Variants in CCSAP observed in about 807,000 individuals in gnomAD.
CCSAP encodes centriole, cilia and spindle-associated protein.
A neutral mutation model predicts 25.9 loss-of-function variants in CCSAP; 17 were observed. The ratio of observed to expected loss-of-function variants is 0.66; its 90% CI spans 0.45 to 0.99. The LOEUF is 0.99. Among genes scored for constraint, CCSAP ranks in the 50% least tolerant of loss-of-function variants. The pLI is 0.00. For synonymous variants in CCSAP, 169 were observed against 157.1 expected (o/e 1.08, Z -0.57); for missense variants, 339 against 367.8 (o/e 0.92, Z 0.64).
At chr1:229,326,066 G>C (rs1384444286) in intron 3 of CCSAP, among the ~76,000 whole-genome samples, 3 of 152,174 alleles carry the variant, frequency 2.0e-5, no homozygotes, top group African/African-American at 7.2e-5. Flanking sequence ...CTTTGCTTTA[G>C]GCTATCATAA....
At chr1:229,327,320 C>G in intron 2 of CCSAP, 1 of 359,830 alleles carries the variant, frequency 2.8e-6, no homozygotes, top group East Asian at 7.4e-5. Context: ...TAAGGGCTTT[C>G]TCCGCAATCC....
chr1:229,323,812 T>C lies in CCSAP; in HGVS notation c.*1423A>G, dbSNP rs1657879337. Reference sequence around the variant, plus strand: ...AGCAATATGTTCTAAAAATTGACTATGGTTTTCCAAAGACCCAGAGAAAAA... The same window carrying C: ...AGCAATATGTTCTAAAAATTGACTACGGTTTTCCAAAGACCCAGAGAAAAA... On this transcript the variant is annotated 3_prime_UTR_variant, in exon 4 of 4. Coordinates refer to ENST00000284617, the MANE Select transcript of CCSAP (RefSeq NM_145257.5). The C allele has an allele frequency of 6.6e-6, 1 of 152,248 alleles. No homozygotes were observed. 9.4% of individuals were successfully genotyped at this position (152,248 alleles called of 1,614,324 possible).
chr1:229,332,587 G>C (rs1027946390), intron 2 of CCSAP, among the ~76,000 whole-genome samples: 1 of 152,174 alleles, frequency 6.6e-6, no homozygotes, highest in African/African-American at 2.4e-5. Flanking sequence ...AGTTATGGTG[G>C]AAGATTACAA....
chr1:229,327,775 A>AG (rs1200156052), intron 2 of CCSAP, among the ~76,000 whole-genome samples: 1 of 150,666 alleles, frequency 6.6e-6, no homozygotes, highest in Admixed American at 6.6e-5. Context: ...AGACTGAGGC[A>AG]GGGGAATCGC....
chr1:229,338,570 C>T (rs1221100055), intron 2 of CCSAP, among the ~76,000 whole-genome samples: 1 of 150,736 alleles, frequency 6.6e-6, no homozygotes, highest in East Asian at 1.9e-4. Flanking sequence ...CACACACACA[C>T]ACACAGAATT....
At chr1:229,329,158 G>C (rs1381064370) in intron 2 of CCSAP, among the ~76,000 whole-genome samples, 1 of 152,226 alleles carries the variant, frequency 6.6e-6, no homozygotes, top group Non-Finnish European at 1.5e-5. Flanking sequence ...GTGATACTGA[G>C]AGAGAGAAAA....
Position 229,342,443 on chromosome 1 carries a change from T to C in CCSAP, c.23A>G (p.Lys8Arg). 7.2e-7 allele frequency: 1 copy of C among 1,388,954 alleles called. No homozygotes were observed. Among genetic ancestry groups the C allele is most frequent in the Non-Finnish European group, 9.4e-7 (1 of 1,065,228 alleles). The allele number at this position is 1,388,954 out of a possible 1,614,324, so 86.0% of individuals were successfully genotyped here. The change falls in exon 2 of 4, where the codon AAG (lysine) becomes AGG (arginine). Residue 8 changes from lysine (K) to arginine (R), a missense_variant. Physicochemically the swap from Lys to Arg is conservative, Grantham distance 26. Coordinates refer to ENST00000284617, the MANE Select transcript of CCSAP (RefSeq NM_145257.5). This position sits in a 1 kb window ranked among gnomAD's most constrained non-coding sequence, Gnocchi z 7.5. MSPGSGVKSEYMKRYQEP... is the reference protein window; with the variant it reads MSPGSGVRSEYMKRYQEP... ...CTGGTAGCGCTTCATGTACTCGCTC[T>C]TCACCCCGCTCCCCGGGGACATGGT...
intron 2 of CCSAP, among the ~76,000 whole-genome samples, chr1:229,337,678 A>AAAATATATATATATATATATATATAT: frequency 1.5e-5 from 1 of 65,512 alleles, no homozygotes; most frequent in African/African-American, 6.0e-5. Context: ...CTCAAAAAAA[A>AAAATATATATATATATATATATATAT]ATATATATAT....
At chr1:229,335,692 C>T (rs1658180610) in intron 2 of CCSAP, among the ~76,000 whole-genome samples, 1 of 152,140 alleles carries the variant, frequency 6.6e-6, no homozygotes, top group South Asian at 2.1e-4. Context: ...CTGAGGAAGG[C>T]CAGGCACAGG....
intron 2 of CCSAP, among the ~76,000 whole-genome samples, chr1:229,328,417 C>T (rs778416006): frequency 7.9e-5 from 12 of 152,160 alleles, no homozygotes; most frequent in Non-Finnish European, 1.8e-4. Context: ...CCTCCCACCT[C>T]AGCCTCCTAG....
chr1:229,339,376 G>A (rs148055222), intron 2 of CCSAP, among the ~76,000 whole-genome samples: 103 of 152,230 alleles, frequency 6.8e-4, no homozygotes, highest in African/African-American at 2.4e-3. Flanking sequence ...GAGTTTCTAC[G>A]GACAACTGTT....
rs780291980 is a variant in CCSAP at position 229,342,469 on chromosome 1, G to A, written c.-4C>T. On this transcript the variant is annotated 5_prime_UTR_variant, in exon 2 of 4. Transcript: ENST00000284617. This position sits in a 1 kb window ranked among gnomAD's most constrained non-coding sequence, Gnocchi z 7.5. ...TCACCCCGCTCCCCGGGGACATGGT[G>A]CCGTCCGCCGCCTCGAGCGCCAGCC... 9.7e-6 allele frequency: 13 copies of A among 1,337,694 alleles called. No homozygotes were observed. Among genetic ancestry groups the A allele is most frequent in the East Asian group, 2.9e-5 (1 of 35,074 alleles). The allele number at this position is 1,337,694 out of a possible 1,614,324, so 82.9% of individuals were successfully genotyped here. A position where few individuals can be genotyped will look rare whatever the true frequency, so the allele number is the denominator to read the frequency against.
chr1:229,341,193 CAAAAAA>C (rs71561730), intron 2 of CCSAP, among the ~76,000 whole-genome samples: 5 of 91,114 alleles, frequency 5.5e-5, no homozygotes, highest in African/African-American at 9.6e-5. Context: ...GACTCCGTCT[CAAAAAA>C]AAAAAAAAAA....
At chr1:229,327,908 G>A (rs1657986037) in intron 2 of CCSAP, among the ~76,000 whole-genome samples, 1 of 151,310 alleles carries the variant, frequency 6.6e-6, no homozygotes, top group South Asian at 2.1e-4. Context: ...GTTTTAAGGG[G>A]CTTCCCCAAC....
chr1:229,337,970 T>G (rs531035055), intron 2 of CCSAP, among the ~76,000 whole-genome samples: 1 of 151,998 alleles, frequency 6.6e-6, no homozygotes, highest in South Asian at 2.1e-4. Flanking sequence ...GTGGAACAAT[T>G]ATCAATTTCA....
At position 229,326,424 on chromosome 1, in the gene CCSAP, TCCTAA is replaced by T. The variant is rs527283612; in HGVS notation, c.636+309_636+313del. On this transcript the variant is annotated intron_variant, in intron 3 of 3. Coordinates refer to ENST00000284617, the MANE Select transcript of CCSAP (RefSeq NM_145257.5). ...TCGCCAGCCTTGGCTGTGCTGCTCC[TCCTAA>T]CCTTCCGGCCCCCCAGGAACTTGTG... 6.0e-4 allele frequency among the ~76,000 whole-genome samples: 91 copies of T among 152,316 alleles called. 1 individual carries two copies. The highest frequency in any genetic ancestry group is 1.2e-3 in the Non-Finnish European group (79 of 68,024).
intron 2 of CCSAP, among the ~76,000 whole-genome samples, chr1:229,333,592 A>G (rs1233666122): frequency 1.3e-5 from 2 of 151,680 alleles, no homozygotes; most frequent in African/African-American, 2.4e-5. Context: ...TAAATCAGTT[A>G]AAGAAGGCCA....
chr1:229,325,012 C>G lies in CCSAP; in HGVS notation c.*223G>C, dbSNP rs989060909. The G allele has an allele frequency of 4.6e-6, 2 of 431,924 alleles. No homozygotes were observed. Among genetic ancestry groups the G allele is most frequent in the Non-Finnish European group, 8.2e-6 (2 of 244,446 alleles). 26.8% of individuals were successfully genotyped at this position (431,924 alleles called of 1,614,324 possible). On this transcript the variant is annotated 3_prime_UTR_variant, in exon 4 of 4. Transcript: ENST00000284617. ...TATCAAAGATTTAGGGAATTATCTT[C>G]ATAAATAACCAAATGTCTATGGCTT...
chr1:229,339,095 G>GAAAAAAAAAAAAAAAGAAAA (rs11328051), intron 2 of CCSAP, among the ~76,000 whole-genome samples: 1 of 134,740 alleles, frequency 7.4e-6, no homozygotes, highest in Non-Finnish European at 1.6e-5. Flanking sequence ...AAAGAAATGG[G>GAAAAAAAAAAAAAAAGAAAA]AAAAAAAAAA....
Sources: allele counts gnomAD v4.1 joint callset (sites outside exome capture counted in the v4.1 genomes callset), GRCh38; gene constraint gnomAD v4.1.1; non-coding constraint Gnocchi (gnomAD v3.1); transcripts MANE v1.5; gene names NCBI Gene and HGNC (gene_info 2026-07-23, HGNC 2026-07-21).